Variants in ATG5 observed in about 807,000 individuals in gnomAD.
ATG5 encodes autophagy protein 5.
In ATG5, 14 loss-of-function variants were observed where a neutral mutation model predicts 36.5. That is an observed-to-expected ratio of 0.38 (90% CI 0.25 to 0.60). The LOEUF (loss-of-function observed/expected upper bound fraction) is 0.60. Among genes scored for constraint, ATG5 ranks in the 20% least tolerant of loss-of-function variants. The pLI, the probability that ATG5 is intolerant of heterozygous loss-of-function variation, is 0.60. For synonymous variants in ATG5, 95 were observed against 101.5 expected (o/e 0.94, Z 0.38); for missense variants, 195 against 326.7 (o/e 0.60, Z 3.11).
intron 6 of ATG5, among the ~76,000 whole-genome samples, chr6:106,214,150 T>A (rs1451851570): frequency 6.6e-6 from 1 of 152,192 alleles, no homozygotes; most frequent in Non-Finnish European, 1.5e-5. Flanking sequence ...TTCATGCATA[T>A]CAAATTTTAC....
intron 3 of ATG5, among the ~76,000 whole-genome samples, chr6:106,294,076 A>C (rs1780434676): frequency 6.6e-6 from 1 of 152,042 alleles, no homozygotes; most frequent in Admixed American, 6.6e-5. Context: ...TTTGAGTGTC[A>C]CGTCAGTGCT....
At chr6:106,188,629 T>C (rs554500310) in intron 7 of ATG5, among the ~76,000 whole-genome samples, 1 of 152,102 alleles carries the variant, frequency 6.6e-6, no homozygotes, top group Non-Finnish European at 1.5e-5. Context: ...AGTTTATGAG[T>C]TGTACAACAG....
intron 7 of ATG5, among the ~76,000 whole-genome samples, chr6:106,199,318 A>C (rs1457310932): frequency 6.6e-6 from 1 of 152,248 alleles, no homozygotes. Flanking sequence ...GAAACAGTCC[A>C]AACACCCATC....
intron 6 of ATG5, among the ~76,000 whole-genome samples, chr6:106,206,673 C>T (rs1423411621): frequency 6.6e-6 from 1 of 150,454 alleles, no homozygotes; most frequent in Non-Finnish European, 1.5e-5. Flanking sequence ...AAAGTACACA[C>T]TCTAACATAT....
At chr6:106,211,909 T>C (rs1405106667) in intron 6 of ATG5, among the ~76,000 whole-genome samples, 1 of 152,216 alleles carries the variant, frequency 6.6e-6, no homozygotes, top group African/African-American at 2.4e-5. Context: ...TGTTTTTAAG[T>C]CTTTTGAAAC....
At chr6:106,313,631 A>G (rs991485729) in intron 2 of ATG5, among the ~76,000 whole-genome samples, 37 of 152,206 alleles carry the variant, frequency 2.4e-4, no homozygotes, top group African/African-American at 8.0e-4. Flanking sequence ...ATAAAACATA[A>G]TGCTCAGTGA....
chr6:106,300,931 C>CA (rs1271241345), intron 3 of ATG5, among the ~76,000 whole-genome samples: 5 of 151,972 alleles, frequency 3.3e-5, no homozygotes, highest in African/African-American at 9.7e-5. Context: ...ATTTATTTTA[C>CA]AGTTGACAAA....
intron 6 of ATG5, among the ~76,000 whole-genome samples, chr6:106,247,095 T>C (rs1453202986): frequency 6.6e-6 from 1 of 152,222 alleles, no homozygotes; most frequent in Non-Finnish European, 1.5e-5. Flanking sequence ...CACATAGTTA[T>C]GTGATGGCTC....
At chr6:106,268,424 T>C (rs564992860) in intron 5 of ATG5, among the ~76,000 whole-genome samples, 3 of 152,292 alleles carry the variant, frequency 2.0e-5, no homozygotes, top group South Asian at 2.1e-4. Flanking sequence ...TTTTACACTG[T>C]TGGTGCGAGT....
chr6:106,199,192 T>C (rs1776323353), intron 7 of ATG5, among the ~76,000 whole-genome samples: 1 of 152,216 alleles, frequency 6.6e-6, no homozygotes. Flanking sequence ...AAACTTACTA[T>C]ATGACCTTGT....
intron 3 of ATG5, among the ~76,000 whole-genome samples, chr6:106,293,718 T>A (rs1780418214): frequency 2.0e-5 from 3 of 152,238 alleles, no homozygotes; most frequent in Admixed American, 2.0e-4. Flanking sequence ...TAATTCTAAA[T>A]TTAAAAAAAT....
At position 106,316,212 on chromosome 6, in the gene ATG5, TC is replaced by T. The variant is rs1213407053; in HGVS notation, c.-5del. ...GCACATCTTTGTCATCTGTCATTCTTCCAGGAGTTAAAGCAGTACATACAGG... is the reference window on the plus strand; with the variant it reads ...GCACATCTTTGTCATCTGTCATTCTTCAGGAGTTAAAGCAGTACATACAGG... On this transcript the variant is annotated 5_prime_UTR_variant, in exon 2 of 8. The change creates a premature stop within an existing upstream ORF in the 5' untranslated region. Transcript: ENST00000369076. 1 of 1,612,540 alleles carries T rather than the reference TC, an allele frequency of 6.2e-7. No individual in the cohort carries two copies. Among genetic ancestry groups the T allele is most frequent in the Non-Finnish European group, 8.5e-7 (1 of 1,178,904 alleles).
At chr6:106,231,026 G>T (rs998612710) in intron 6 of ATG5, among the ~76,000 whole-genome samples, 1 of 151,680 alleles carries the variant, frequency 6.6e-6, no homozygotes, top group Non-Finnish European at 1.5e-5. Flanking sequence ...AAATAATAAG[G>T]ACCCCCCTTC....
At chr6:106,206,277 A>T (rs1776631383) in intron 6 of ATG5, among the ~76,000 whole-genome samples, 1 of 152,074 alleles carries the variant, frequency 6.6e-6, no homozygotes, top group Non-Finnish European at 1.5e-5. Flanking sequence ...GTGGGGGCGC[A>T]GCAACCAGTG....
intron 5 of ATG5, among the ~76,000 whole-genome samples, chr6:106,277,476 A>G (rs948785852): frequency 3.3e-5 from 5 of 152,246 alleles, no homozygotes; most frequent in Non-Finnish European, 7.3e-5. Flanking sequence ...CACAATCTTT[A>G]AAAAATTTTG....
intron 1 of ATG5, among the ~76,000 whole-genome samples, 160 bp from the exon 2 acceptor site, chr6:106,316,426 G>C (rs1300587800): frequency 6.7e-6 from 1 of 149,400 alleles, no homozygotes; most frequent in African/African-American, 2.5e-5. Flanking sequence ...AAAGAAAAGA[G>C]TACAACAAAT....
chr6:106,304,830 AC>A (rs1770377595), intron 3 of ATG5, among the ~76,000 whole-genome samples: 1 of 152,126 alleles, frequency 6.6e-6, no homozygotes, highest in South Asian at 2.1e-4. Flanking sequence ...GGTGGCTCAC[AC>A]CTGTAATCCC....
rs540411326 is a variant in ATG5 at position 106,191,570 on chromosome 6, G to A, written c.692-4894C>T. On this transcript the variant is annotated intron_variant, in intron 7 of 7. Coordinates refer to ENST00000369076, the MANE Select transcript of ATG5 (RefSeq NM_004849.4). ...AACTTCTGTTTCCTCATCTTACAGT[G>A]TGAACAAAGAATTCTAATCTCCAGT... Among the ~76,000 whole-genome samples the A allele has an allele frequency of 3.3e-5, 5 of 152,182 alleles. No individual in the cohort carries two copies. The East Asian group carries it at 9.7e-4, about 29-fold the overall frequency.
intron 5 of ATG5, among the ~76,000 whole-genome samples, chr6:106,260,132 T>C (rs1778956844): frequency 6.6e-6 from 1 of 152,102 alleles, no homozygotes; most frequent in South Asian, 2.1e-4. Context: ...GGGGAAGGGA[T>C]AGCATTAGGA....
Sources: gnomAD v4.1 joint callset for allele counts (sites outside exome capture counted in the v4.1 genomes callset) on GRCh38, gnomAD v4.1.1 for gene constraint, MANE v1.5 for transcripts, NCBI Gene and HGNC (gene_info 2026-07-23, HGNC 2026-07-21) for gene names.